The following RANBP17 variants were observed in gnomAD, a reference collection of about 807,000 sequenced individuals.
RANBP17 encodes the protein RAN binding protein 17.
RANBP17 carries 158 observed loss-of-function variants against 141.2 expected under a neutral mutation model. The observed-to-expected ratio is 1.12, with a 90% confidence interval of 0.98 to 1.28. The LOEUF (loss-of-function observed/expected upper bound fraction) is 1.28, where lower values mean the gene tolerates loss of function less well. RANBP17 is among the 50% of genes most tolerant of loss of function. The pLI, the probability that RANBP17 is intolerant of heterozygous loss-of-function variation, is 0.00. For missense variants in RANBP17, 1,438 were observed against 1,290.7 expected (o/e 1.11, Z -1.75); for synonymous variants, 430 against 450.0 (o/e 0.96, Z 0.56).
At chr5:171,137,602 G>GTGTGTGTGTC (rs1392740486) in intron 14 of RANBP17, among the ~76,000 whole-genome samples, 2 of 143,478 alleles carry the variant, frequency 1.4e-5, no homozygotes, top group African/African-American at 5.6e-5. Flanking sequence ...GTGTGTGTGT[G>GTGTGTGTGTC]TGTCTGTGTG....
intron 14 of RANBP17, among the ~76,000 whole-genome samples, chr5:171,144,913 C>T (rs368436230): frequency 6.6e-6 from 1 of 152,110 alleles, no homozygotes; most frequent in Non-Finnish European, 1.5e-5. Flanking sequence ...TGAGTATTCT[C>T]GCTTGTGATG....
chr5:170,923,029 T>G (rs1336196474), intron 11 of RANBP17, among the ~76,000 whole-genome samples: 1 of 152,190 alleles, frequency 6.6e-6, no homozygotes, highest in African/African-American at 2.4e-5. Context: ...GTCCAATGCT[T>G]TATTTTTTCT....
At chr5:171,116,704 ATATAT>A (rs1311539523) in intron 14 of RANBP17, among the ~76,000 whole-genome samples, 1 of 152,148 alleles carries the variant, frequency 6.6e-6, no homozygotes, top group Non-Finnish European at 1.5e-5. Context: ...AAATTGTATA[ATATAT>A]TATTGTTAAC....
chr5:170,921,487 G>A (rs1561892708), intron 11 of RANBP17, among the ~76,000 whole-genome samples: 1 of 151,728 alleles, frequency 6.6e-6, no homozygotes, highest in Non-Finnish European at 1.5e-5. Context: ...TTTGGTTACT[G>A]TAGCCTTGTA....
intron 14 of RANBP17, among the ~76,000 whole-genome samples, chr5:171,080,578 A>G (rs1412716177): frequency 6.6e-6 from 1 of 152,214 alleles, no homozygotes; most frequent in Non-Finnish European, 1.5e-5. Context: ...TTCAGTGGGA[A>G]GAGAACTGTT....
chr5:171,183,869 G>A (rs1241016682), intron 18 of RANBP17, among the ~76,000 whole-genome samples: 1 of 152,128 alleles, frequency 6.6e-6, no homozygotes, highest in African/African-American at 2.4e-5. Context: ...TAGAATGATT[G>A]GCACGCAATA....
intron 14 of RANBP17, among the ~76,000 whole-genome samples, chr5:171,121,930 T>C (rs1756068450): frequency 6.6e-6 from 1 of 152,216 alleles, no homozygotes. Context: ...GAGAGTTGTA[T>C]TCCTTACTCA....
intron 5 of RANBP17, chr5:170,897,372 A>T (rs570069202): frequency 1.8e-4 from 81 of 460,296 alleles, no homozygotes; most frequent in Middle Eastern, 4.8e-4. Context: ...TTTTTTTTTT[A>T]AATATTCCAT....
intron 13 of RANBP17, among the ~76,000 whole-genome samples, chr5:170,964,366 A>G (rs1424555355): frequency 1.3e-5 from 2 of 151,846 alleles, no homozygotes; most frequent in Non-Finnish European, 2.9e-5. Flanking sequence ...TGGTGTATTC[A>G]TATAATGGAA....
chr5:171,182,959 A>G (rs1213528005), intron 16 of RANBP17, among the ~76,000 whole-genome samples: 1 of 152,210 alleles, frequency 6.6e-6, no homozygotes, highest in African/African-American at 2.4e-5. Context: ...CATAACTAGA[A>G]TATGTATAAG....
chr5:171,005,876 A>G (rs1195183659), intron 14 of RANBP17, among the ~76,000 whole-genome samples: 1 of 152,200 alleles, frequency 6.6e-6, no homozygotes, highest in Non-Finnish European at 1.5e-5. Flanking sequence ...AGAATCTACA[A>G]TGAACTCAAA....
At chr5:170,885,806 A>G (rs1349370061) in intron 3 of RANBP17, among the ~76,000 whole-genome samples, 3 of 151,574 alleles carry the variant, frequency 2.0e-5, no homozygotes, top group Admixed American at 6.6e-5. Context: ...AAAACTACCT[A>G]TTAGGTTTAT....
intron 14 of RANBP17, among the ~76,000 whole-genome samples, chr5:171,094,379 G>A (rs1463442404): frequency 1.3e-5 from 2 of 151,910 alleles, no homozygotes; most frequent in Admixed American, 6.6e-5. Context: ...GCAAAGTTAT[G>A]AAGATTGATG....
chr5:171,235,718 C>T (rs1207086815), intron 22 of RANBP17, among the ~76,000 whole-genome samples: 1 of 152,078 alleles, frequency 6.6e-6, no homozygotes, highest in Non-Finnish European at 1.5e-5. Flanking sequence ...CCTCCCACCT[C>T]GGCCTCCCAA....
chr5:170,903,911 T>C, intron 5 of RANBP17: 2 of 523,042 alleles, frequency 3.8e-6, no homozygotes, highest in Non-Finnish European at 7.7e-6. Context: ...TGAATTTAGT[T>C]CCTTTTCCTC....
chr5:170,923,201 A>G (rs976197068), intron 11 of RANBP17, among the ~76,000 whole-genome samples: 2 of 152,170 alleles, frequency 1.3e-5, no homozygotes, highest in Admixed American at 6.5e-5. Flanking sequence ...GCATAAGGCT[A>G]GAGTTCTTCT....
intron 14 of RANBP17, among the ~76,000 whole-genome samples, chr5:170,999,653 G>A (rs1262014575): frequency 1.3e-5 from 2 of 152,124 alleles, no homozygotes; most frequent in Non-Finnish European, 2.9e-5. Flanking sequence ...TATGTGTCTT[G>A]AGATAGATGA....
At chr5:171,128,997 T>C (rs903532282) in intron 14 of RANBP17, among the ~76,000 whole-genome samples, 1 of 152,182 alleles carries the variant, frequency 6.6e-6, no homozygotes, top group Non-Finnish European at 1.5e-5. Context: ...AATGAGCATA[T>C]AATACAGTTG....
chr5:171,257,934 C>T (rs1048959387), intron 24 of RANBP17, among the ~76,000 whole-genome samples: 7 of 151,774 alleles, frequency 4.6e-5, no homozygotes, highest in Admixed American at 2.0e-4. Flanking sequence ...GGAGAAACCC[C>T]GCCTCTACTA....
Sources: gnomAD v4.1 joint callset for allele counts (sites outside exome capture counted in the v4.1 genomes callset) on GRCh38, gnomAD v4.1.1 for gene constraint, MANE v1.5 for transcripts, NCBI Gene and HGNC (gene_info 2026-07-23, HGNC 2026-07-21) for gene names.